NSMCE2: variants seen among roughly 807,000 people sequenced by gnomAD.
The protein encoded by NSMCE2 is NSE2 SUMO ligase component of SMC5/6 complex, also known as E3 SUMO-protein ligase NSE2.
In NSMCE2, 24 loss-of-function variants were observed where a neutral mutation model predicts 23.8. That is an observed-to-expected ratio of 1.01 (90% CI 0.73 to 1.42). The LOEUF (loss-of-function observed/expected upper bound fraction) is 1.42, where lower values mean the gene tolerates loss of function less well. Ranked by LOEUF, NSMCE2 falls within the 40% of genes most tolerant of loss-of-function variation. The pLI is 0.00. For synonymous variants in NSMCE2, 92 were observed against 94.1 expected (o/e 0.98, Z 0.13); for missense variants, 284 against 296.5 (o/e 0.96, Z 0.31).
rs963244571 is a variant in NSMCE2, at chr8:125,107,815, C to T, written c.157+5328C>T. 7.9e-5 allele frequency among the ~76,000 whole-genome samples: 12 copies of T among 152,280 alleles called. No homozygotes were observed. In the East Asian group the frequency reaches 1.4e-3, roughly 17 times the overall value. Reference sequence around the variant, plus strand: ...TTGGGAGGCCAACCTGGGCAGATTGCTTGAGCTCAGGAGTTTGATACTAGC... The same window carrying T: ...TTGGGAGGCCAACCTGGGCAGATTGTTTGAGCTCAGGAGTTTGATACTAGC... On this transcript the variant is annotated intron_variant, in intron 3 of 7. Coordinates refer to ENST00000287437, the MANE Select transcript of NSMCE2 (RefSeq NM_173685.4).
At chr8:125,350,643 AAGAGAG>A (rs538026530) in intron 5 of NSMCE2, among the ~76,000 whole-genome samples, 1 of 152,108 alleles carries the variant, frequency 6.6e-6, no homozygotes, top group Non-Finnish European at 1.5e-5. Context: ...CTGGCAGGCA[AAGAGAG>A]AGAGAGCTTG....
intron 5 of NSMCE2, among the ~76,000 whole-genome samples, chr8:125,341,446 T>G (rs1407008929): frequency 6.6e-6 from 1 of 152,224 alleles, no homozygotes; most frequent in Non-Finnish European, 1.5e-5. Context: ...TACACTGTAG[T>G]GCTAGGAGTC....
At chr8:125,326,864 G>A (rs1350181424) in intron 5 of NSMCE2, among the ~76,000 whole-genome samples, 1 of 151,662 alleles carries the variant, frequency 6.6e-6, no homozygotes, top group Admixed American at 6.6e-5. Flanking sequence ...ACTGAGTCAG[G>A]AGAATCACTT....
At chr8:125,355,175 C>T (rs967874978) in intron 5 of NSMCE2, among the ~76,000 whole-genome samples, 1 of 152,230 alleles carries the variant, frequency 6.6e-6, no homozygotes, top group Non-Finnish European at 1.5e-5. Flanking sequence ...ACAAACACCT[C>T]ATCTGGCCTA....
At chr8:125,175,609 A>T (rs997757425) in intron 4 of NSMCE2, among the ~76,000 whole-genome samples, 1 of 152,212 alleles carries the variant, frequency 6.6e-6, no homozygotes, top group South Asian at 2.1e-4. Flanking sequence ...GACTAATTTT[A>T]TACTAGATTC....
At chr8:125,237,025 A>G (rs1399503936) in intron 5 of NSMCE2, among the ~76,000 whole-genome samples, 1 of 152,158 alleles carries the variant, frequency 6.6e-6, no homozygotes, top group Non-Finnish European at 1.5e-5. Flanking sequence ...CTCTTGTTAC[A>G]TTTTTTAATA....
chr8:125,249,125 C>G (rs1404440259), intron 5 of NSMCE2, among the ~76,000 whole-genome samples: 2 of 150,662 alleles, frequency 1.3e-5, no homozygotes, highest in East Asian at 1.9e-4. Context: ...GAGCCAAGAT[C>G]ATGCCACTGT....
At chr8:125,227,408 A>G (rs541634973) in intron 5 of NSMCE2, among the ~76,000 whole-genome samples, 2 of 152,202 alleles carry the variant, frequency 1.3e-5, no homozygotes, top group Non-Finnish European at 2.9e-5. Context: ...AGTCATGCCA[A>G]CCAGGGCCTT....
At chr8:125,168,774 GTA>G (rs1401974562) in intron 4 of NSMCE2, among the ~76,000 whole-genome samples, 1 of 152,190 alleles carries the variant, frequency 6.6e-6, no homozygotes, top group Non-Finnish European at 1.5e-5. Flanking sequence ...CAGACTATAG[GTA>G]TAGTTTGGTG....
At chr8:125,311,151 A>G (rs1324212716) in intron 5 of NSMCE2, among the ~76,000 whole-genome samples, 2 of 152,212 alleles carry the variant, frequency 1.3e-5, no homozygotes, top group Admixed American at 1.3e-4. Flanking sequence ...TGCCCTTGCC[A>G]CTAGCAGAGA....
At chr8:125,300,474 A>G (rs914454262) in intron 5 of NSMCE2, among the ~76,000 whole-genome samples, 16 of 152,258 alleles carry the variant, frequency 1.1e-4, no homozygotes, top group African/African-American at 3.9e-4. Flanking sequence ...TGGCTATGCC[A>G]TTTAGACCTC....
chr8:125,201,617 G>A (rs1439985058), intron 5 of NSMCE2, among the ~76,000 whole-genome samples: 1 of 152,218 alleles, frequency 6.6e-6, no homozygotes, highest in African/African-American at 2.4e-5. Flanking sequence ...TCCCTACTGG[G>A]AGTTGTCTTC....
At chr8:125,331,554 A>G (rs1175782694) in intron 5 of NSMCE2, among the ~76,000 whole-genome samples, 1 of 152,100 alleles carries the variant, frequency 6.6e-6, no homozygotes, top group Non-Finnish European at 1.5e-5. Flanking sequence ...GATGAAAACT[A>G]TAGATTTTCT....
intron 5 of NSMCE2, among the ~76,000 whole-genome samples, chr8:125,332,397 T>C (rs889021097): frequency 2.0e-4 from 30 of 152,304 alleles, no homozygotes; most frequent in African/African-American, 7.0e-4. Flanking sequence ...GAGTGAAATA[T>C]ACCTGGGCTT....
Position 125,327,265 on chromosome 8 carries a change from CAAAAA to C in NSMCE2, c.419-29937_419-29933del, listed in dbSNP as rs59574355. ...TGGGCGATAAAGCAAGACTCCATCT[CAAAAA>C]AAAAAAAAAAAAAAAAGAGAGAGAA... On this transcript the variant is annotated intron_variant, in intron 5 of 7. Coordinates refer to ENST00000287437, the MANE Select transcript of NSMCE2 (RefSeq NM_173685.4). Among the ~76,000 whole-genome samples, 196 of 118,618 alleles carry C rather than the reference CAAAAA, an allele frequency of 1.7e-3. 2 individuals carry two copies. Among genetic ancestry groups the C allele is most frequent in the Non-Finnish European group, 1.9e-3 (110 of 58,978 alleles). 77.8% of individuals were successfully genotyped at this position (118,618 alleles called of 152,430 possible). A position where few individuals can be genotyped will look rare whatever the true frequency, so the allele number is the denominator to read the frequency against.
chr8:125,216,634 CAAA>C (rs35656783), intron 5 of NSMCE2, among the ~76,000 whole-genome samples: 10 of 130,570 alleles, frequency 7.7e-5, no homozygotes, highest in Admixed American at 8.0e-5. Context: ...GGCTGTGTGT[CAAA>C]AAAAAAAAAA....
At chr8:125,286,005 T>C (rs1490667100) in intron 5 of NSMCE2, among the ~76,000 whole-genome samples, 1 of 151,534 alleles carries the variant, frequency 6.6e-6, no homozygotes, top group East Asian at 1.9e-4. Flanking sequence ...CAGCCTCCAT[T>C]GCCACACACT....
intron 5 of NSMCE2, among the ~76,000 whole-genome samples, chr8:125,278,440 G>A (rs754145645): frequency 6.6e-6 from 1 of 152,200 alleles, no homozygotes; most frequent in East Asian, 1.9e-4. Context: ...CAGAGGAAGC[G>A]AAGGCAAGCC....
In NSMCE2 at chr8:125,357,694, A is replaced by G; in HGVS notation, c.520-18A>G. ...GATCATTATCATTCCTGAAAGCCCA[A>G]CATCTCCTTGATTACAGGAGGAAAT... On this transcript the variant is annotated intron_variant, in intron 6 of 7. Coordinates refer to ENST00000287437, the MANE Select transcript of NSMCE2 (RefSeq NM_173685.4). 1.9e-6 allele frequency: 3 copies of G among 1,574,928 alleles called. No individual in the cohort carries two copies. Among genetic ancestry groups the G allele is most frequent in the East Asian group, 4.5e-5 (2 of 44,716 alleles).
Sources: allele counts gnomAD v4.1 joint callset (sites outside exome capture counted in the v4.1 genomes callset), GRCh38; gene constraint gnomAD v4.1.1; transcripts MANE v1.5; gene names NCBI Gene and HGNC (gene_info 2026-07-23, HGNC 2026-07-21).